PCDH11Y: variants seen among roughly 807,000 people sequenced by gnomAD.
The protein encoded by PCDH11Y is protocadherin 11 Y-linked.
For synonymous variants in PCDH11Y, 9 were observed against 83.6 expected (o/e 0.11, Z 4.87); for missense variants, 12 against 224.8 (o/e 0.05, Z 6.05).
At chrY:5,103,256 G>A, downstream of PCDH11Y, among the ~76,000 whole-genome samples, 1 of 31,611 alleles carries the variant, frequency 3.2e-5, no homozygotes, top group South Asian at 7.0e-4. Flanking sequence ...AATACTTAGA[G>A]TGGAATAAAA....
chrY:5,270,056 C>G, intron 2 of PCDH11Y, among the ~76,000 whole-genome samples: 2 of 29,499 alleles, frequency 6.8e-5, no homozygotes, highest in Admixed American at 6.9e-4. Flanking sequence ...CACAGGAAAT[C>G]TCTGGTGTAC....
chrY:5,581,452 C>T, intron 3 of PCDH11Y, among the ~76,000 whole-genome samples: 4 of 32,951 alleles, frequency 1.2e-4, no homozygotes, highest in African/African-American at 4.7e-4. Context: ...CCATCACAGG[C>T]GACGAAGCTA....
Position 5,087,487 on chromosome Y carries a change from C to T in PCDH11Y, c.637-10728C>T, listed in dbSNP as rs372527939. Among the ~76,000 whole-genome samples, 141 of 32,096 alleles carry T rather than the reference C, an allele frequency of 4.4e-3. No individual in the cohort carries two copies. In the East Asian group the frequency reaches 0.1, roughly 23 times the overall value. The allele number at this position is 32,096 out of a possible 37,273, so 86.1% of individuals were successfully genotyped here. A position where few individuals can be genotyped will look rare whatever the true frequency, so the allele number is the denominator to read the frequency against. ...GGGGGCCTCATGACTCTATCCAGTG[C>T]CTTATCCTGCTGTGGCTGAGCTGGT... On this transcript the variant is annotated intron_variant, in intron 1 of 1. Coordinates refer to ENST00000215473, the Ensembl canonical transcript of PCDH11Y.
intron 3 of PCDH11Y, among the ~76,000 whole-genome samples, chrY:5,505,577 G>C: frequency 3.1e-5 from 1 of 32,552 alleles, no homozygotes; most frequent in Non-Finnish European, 7.7e-5. Flanking sequence ...AACATTTAGG[G>C]CTAAAAAATT....
At chrY:5,358,855 TG>T (rs2053171660) in intron 2 of PCDH11Y, among the ~76,000 whole-genome samples, 7 of 31,063 alleles carry the variant, frequency 2.3e-4, no homozygotes, top group African/African-American at 1.3e-4. Flanking sequence ...TTGGTTTGTT[TG>T]TTTTTTTAAT....
intron 2 of PCDH11Y, among the ~76,000 whole-genome samples, chrY:5,342,493 G>A: frequency 3.0e-5 from 1 of 33,788 alleles, no homozygotes; most frequent in African/African-American, 1.2e-4. Flanking sequence ...TAACATTTAT[G>A]GCTCTTGCTG....
chrY:5,366,015 T>C, intron 2 of PCDH11Y, among the ~76,000 whole-genome samples: 1 of 33,512 alleles, frequency 3.0e-5, no homozygotes, highest in Non-Finnish European at 7.4e-5. Context: ...TTAAAAGATA[T>C]CACATCATAA....
At chrY:5,569,507 A>G (rs2053437597) in intron 3 of PCDH11Y, among the ~76,000 whole-genome samples, 1 of 33,624 alleles carries the variant, frequency 3.0e-5, no homozygotes, top group East Asian at 7.8e-4. Flanking sequence ...TCATTTTGGA[A>G]AGTTTTTCAG....
chrY:5,478,918 C>G (rs2053322739), intron 2 of PCDH11Y, among the ~76,000 whole-genome samples: 1 of 30,997 alleles, frequency 3.2e-5, no homozygotes, highest in Non-Finnish European at 7.7e-5. Context: ...TTTTGAGCCT[C>G]TGGGTATCTT....
intron 1 of PCDH11Y, among the ~76,000 whole-genome samples, chrY:5,089,890 G>T: frequency 3.0e-5 from 1 of 32,974 alleles, no homozygotes; most frequent in Non-Finnish European, 7.5e-5. Flanking sequence ...AACTGGTTGA[G>T]GTCTTTTATC....
At chrY:5,345,905 C>T (rs2053151971) in intron 2 of PCDH11Y, among the ~76,000 whole-genome samples, 1 of 33,231 alleles carries the variant, frequency 3.0e-5, no homozygotes, top group Admixed American at 2.8e-4. Flanking sequence ...TCAGGTGATC[C>T]ACCCGCCTCG....
chrY:5,235,095 C>T, intron 2 of PCDH11Y, among the ~76,000 whole-genome samples: 1 of 32,122 alleles, frequency 3.1e-5, no homozygotes, highest in African/African-American at 1.2e-4. Context: ...TCTTTCATTA[C>T]CTCATTAATT....
chrY:5,169,318 C>T, intron 2 of PCDH11Y, among the ~76,000 whole-genome samples: 9 of 32,130 alleles, frequency 2.8e-4, no homozygotes, highest in African/African-American at 1.1e-3. Context: ...AGGATGAAAC[C>T]GAACCTTTAC....
intron 2 of PCDH11Y, among the ~76,000 whole-genome samples, chrY:5,219,330 C>A: frequency 3.1e-5 from 1 of 32,603 alleles, no homozygotes; most frequent in African/African-American, 1.2e-4. Context: ...CATCCCCCCC[C>A]CACAGTTTAC....
At chrY:5,419,708 G>A in intron 2 of PCDH11Y, among the ~76,000 whole-genome samples, 1 of 31,935 alleles carries the variant, frequency 3.1e-5, no homozygotes. Context: ...CCTCTTCTCT[G>A]TGTGCATGCA....
At chrY:5,146,728 T>C (rs2124643034) in intron 2 of PCDH11Y, among the ~76,000 whole-genome samples, 1 of 21,163 alleles carries the variant, frequency 4.7e-5, no homozygotes, top group Non-Finnish European at 1.1e-4. Context: ...TGATGGTTAA[T>C]ATTGAGTGCC....
chrY:5,495,403 G>GA (rs2053343401), intron 2 of PCDH11Y, among the ~76,000 whole-genome samples: 1 of 33,218 alleles, frequency 3.0e-5, no homozygotes, highest in Non-Finnish European at 7.5e-5. Context: ...GTACCTATGG[G>GA]AAAAAAAATG....
chrY:5,020,996 A>C (rs2052568699), intron 1 of PCDH11Y, among the ~76,000 whole-genome samples: 1 of 33,912 alleles, frequency 2.9e-5, no homozygotes, highest in Non-Finnish European at 7.3e-5. Flanking sequence ...TATCGTGTAT[A>C]CTAATCAAGG....
intron 4 of PCDH11Y, among the ~76,000 whole-genome samples, chrY:5,710,878 A>C (rs112450360): frequency 0.16 from 5,167 of 32,425 alleles, no homozygotes; most frequent in Middle Eastern, 0.35. Context: ...TTGGGATTTT[A>C]TCATCTTTTG....
Sources: allele counts gnomAD v4.1 joint callset (sites outside exome capture counted in the v4.1 genomes callset), GRCh38; gene constraint gnomAD v4.1.1; transcripts MANE v1.5; gene names NCBI Gene and HGNC (gene_info 2026-07-23, HGNC 2026-07-21).